EDAR: variants seen among roughly 807,000 people sequenced by gnomAD.
The protein encoded by EDAR is tumor necrosis factor receptor superfamily member EDAR.
A neutral mutation model predicts 51.3 loss-of-function variants in EDAR; 38 were observed. That is an observed-to-expected ratio of 0.74 (90% CI 0.57 to 0.97). EDAR has a LOEUF of 0.97. EDAR is among the 50% of genes least tolerant of loss of function. EDAR has a pLI of 0.00. For synonymous variants in EDAR, 227 were observed against 242.1 expected, an observed-to-expected ratio of 0.94 and a Z score of 0.58; for missense variants, 528 against 595.0, an observed-to-expected ratio of 0.89 and a Z score of 1.17.
intron 1 of EDAR, among the ~76,000 whole-genome samples, chr2:108,934,355 TCTC>T (rs1697427994): frequency 6.6e-6 from 1 of 152,036 alleles, no homozygotes; most frequent in Non-Finnish European, 1.5e-5. Context: ...CCAGTCGTGA[TCTC>T]CTGTTTGTTT....
At chr2:108,945,121 G>C (rs1011310026) in intron 1 of EDAR, among the ~76,000 whole-genome samples, 1 of 152,124 alleles carries the variant, frequency 6.6e-6, no homozygotes, top group Non-Finnish European at 1.5e-5. Flanking sequence ...CTGCCTGTCC[G>C]TGAGGCAGCT....
intron 5 of EDAR, among the ~76,000 whole-genome samples, chr2:108,918,191 G>A (rs971421063): frequency 2.6e-5 from 4 of 152,210 alleles, no homozygotes; most frequent in African/African-American, 9.6e-5. Flanking sequence ...AGGGTGGGGC[G>A]CGAGCCCTGG....
chr2:108,919,869 C>G (rs1436960110), intron 5 of EDAR, among the ~76,000 whole-genome samples: 1 of 152,226 alleles, frequency 6.6e-6, no homozygotes, highest in Admixed American at 6.5e-5. Flanking sequence ...GCTGACTTCC[C>G]AGCCCTGGAT....
At chr2:108,982,244 G>C (rs1698432280) in intron 1 of EDAR, among the ~76,000 whole-genome samples, 1 of 152,200 alleles carries the variant, frequency 6.6e-6, no homozygotes, top group African/African-American at 2.4e-5. Flanking sequence ...AGGGTAAACA[G>C]GAAAGCAGCC....
At chr2:108,985,508 T>C (rs532478698) in intron 1 of EDAR, among the ~76,000 whole-genome samples, 1,959 of 152,294 alleles carry the variant, frequency 0.013, 20 homozygotes, top group Middle Eastern at 0.024. Flanking sequence ...CTCTGTTTTC[T>C]CGGAAATGGA....
At chr2:108,930,718 A>C (rs576912670) in intron 2 of EDAR, among the ~76,000 whole-genome samples, 1 of 152,286 alleles carries the variant, frequency 6.6e-6, no homozygotes, top group Admixed American at 6.5e-5. Flanking sequence ...TCACACCACA[A>C]ACAAGCAATC....
chr2:108,919,333 T>C (rs1471335053), intron 5 of EDAR, among the ~76,000 whole-genome samples: 1 of 152,186 alleles, frequency 6.6e-6, no homozygotes, highest in Admixed American at 6.5e-5. Context: ...TATTGCGTTC[T>C]TTCATTAACC....
intron 1 of EDAR, among the ~76,000 whole-genome samples, chr2:108,972,337 C>T (rs1347395344): frequency 6.6e-6 from 1 of 152,256 alleles, no homozygotes; most frequent in Non-Finnish European, 1.5e-5. Context: ...TGAACACAGA[C>T]AATGATGACC....
intron 1 of EDAR, among the ~76,000 whole-genome samples, chr2:108,942,092 T>C (rs1399416839): frequency 6.6e-6 from 1 of 152,204 alleles, no homozygotes; most frequent in Non-Finnish European, 1.5e-5. Context: ...CCTGCAGGTG[T>C]GTGTGCTGGG....
intron 1 of EDAR, among the ~76,000 whole-genome samples, chr2:108,958,152 A>G (rs866875738): frequency 6.6e-6 from 1 of 152,188 alleles, no homozygotes; most frequent in African/African-American, 2.4e-5. Flanking sequence ...AGGAGAAAGA[A>G]AGGCGGGAGA....
chr2:108,988,800 G>C (rs1698543226), intron 1 of EDAR, among the ~76,000 whole-genome samples, 160 bp downstream of exon 1: 1 of 152,178 alleles, frequency 6.6e-6, no homozygotes, highest in African/African-American at 2.4e-5. Context: ...TCTTAGAACT[G>C]GTAGCGCAGA....
At chr2:108,916,753 C>T (rs1697036043) in intron 5 of EDAR, among the ~76,000 whole-genome samples, 1 of 152,130 alleles carries the variant, frequency 6.6e-6, no homozygotes, top group African/African-American at 2.4e-5. Flanking sequence ...GACATTTCTC[C>T]AGAGCTCAGC....
At chr2:108,916,562 G>T (rs1478393505) in intron 5 of EDAR, among the ~76,000 whole-genome samples, 1 of 152,162 alleles carries the variant, frequency 6.6e-6, no homozygotes, top group African/African-American at 2.4e-5. Flanking sequence ...TCACCGGATG[G>T]TTCCCTCCAA....
In EDAR at chr2:108,897,186, A is replaced by T; in HGVS notation, c.1068T>A (p.Thr356=). 1 of 1,613,830 alleles carries T rather than the reference A, an allele frequency of 6.2e-7. No individual in the cohort carries two copies. Among genetic ancestry groups the T allele is most frequent in the Non-Finnish European group, 8.5e-7 (1 of 1,180,022 alleles). ...TELPFDCLEK[T]SRMLSSTYNS... Reference sequence around the variant, plus strand: ...TGTACGTGGAGCTGAGCATTCGGCTAGTCTTCTCGAGGCAATCAAATGGCA... The same window carrying T: ...TGTACGTGGAGCTGAGCATTCGGCTTGTCTTCTCGAGGCAATCAAATGGCA... Residue 356 remains threonine (T), a synonymous_variant, in exon 12 of 12, where the codon ACT becomes ACA. Coordinates refer to ENST00000258443, the MANE Select transcript of EDAR (RefSeq NM_022336.4).
rs2105371630 is a variant in EDAR, at chr2:108,897,092, T to C, written c.1162A>G (p.Ile388Val). ...TGCATGCCGTCTGTCATGCCCCCAA[T>C]CTCATCCCTCTTCAGGCCGAAGCTC... ...AESFGLKRDE[I>V]GGMTDGMQLF... Residue 388 changes from isoleucine (I) to valine (V), a missense_variant, in exon 12 of 12, where the codon ATT (isoleucine) becomes GTT (valine). Physicochemically the swap from Ile to Val is conservative, Grantham distance 29 (BLOSUM62 3). Coordinates refer to ENST00000258443, the MANE Select transcript of EDAR (RefSeq NM_022336.4). 6.2e-7 allele frequency: 1 copy of C among 1,614,046 alleles called. No homozygotes were observed. Among genetic ancestry groups the C allele is most frequent in the East Asian group, 2.2e-5 (1 of 44,856 alleles).
chr2:108,906,405 G>A (rs769943501), intron 10 of EDAR, 37 bp from the exon 11 acceptor site: 63 of 1,612,166 alleles, frequency 3.9e-5, no homozygotes, highest in Middle Eastern at 1.6e-4. Flanking sequence ...TCTCCAGAAA[G>A]GGGCAACAGT....
intron 6 of EDAR, 37 bp downstream of exon 6, chr2:108,912,641 T>C (rs1295578364): frequency 6.5e-7 from 1 of 1,537,896 alleles, no homozygotes. Context: ...GAGTACCACC[T>C]AACTCCAGGT....
At chr2:108,925,509 C>T (rs947209976) in intron 4 of EDAR, among the ~76,000 whole-genome samples, 16 of 152,306 alleles carry the variant, frequency 1.1e-4, no homozygotes, top group South Asian at 4.1e-4. Context: ...GTCCTGGGCA[C>T]GAGGCACCTT....
chr2:108,933,250 A>C lies in EDAR; in HGVS notation c.-18-2218T>G, dbSNP rs59635872. ...AAAGATTTTTTTGGCAGTAACTGAA[A>C]TCGGGTGGGGGTGACCAAGGACTGA... On this transcript the variant is annotated intron_variant, in intron 1 of 11. Coordinates refer to ENST00000258443, the MANE Select transcript of EDAR (RefSeq NM_022336.4). 2.0e-5 allele frequency among the ~76,000 whole-genome samples: 3 copies of C among 152,314 alleles called. No homozygotes were observed. The East Asian group carries it at 5.8e-4, about 29-fold the overall frequency.
Sources: allele counts gnomAD v4.1 joint callset (sites outside exome capture counted in the v4.1 genomes callset), GRCh38; gene constraint gnomAD v4.1.1; transcripts MANE v1.5; gene names NCBI Gene and HGNC (gene_info 2026-07-23, HGNC 2026-07-21).